Variants in RIC8B observed in about 807,000 individuals in gnomAD.
RIC8B encodes RIC8 guanine nucleotide exchange factor B.
In RIC8B, 16 loss-of-function variants were observed where a neutral mutation model predicts 57.5. The observed-to-expected ratio is 0.28, with a 90% CI of 0.19 to 0.42. The LOEUF (loss-of-function observed/expected upper bound fraction) is 0.42. Ranked by LOEUF, RIC8B falls within the 10% of genes least tolerant of loss-of-function variation. RIC8B has a pLI of 1.00. For synonymous variants in RIC8B, 216 were observed against 250.8 expected, an observed-to-expected ratio of 0.86 and a Z score of 1.31; for missense variants, 481 against 677.0, an observed-to-expected ratio of 0.71 and a Z score of 3.21.
At chr12:106,819,397 C>T (rs1566083022) in intron 3 of RIC8B, among the ~76,000 whole-genome samples, 1 of 152,194 alleles carries the variant, frequency 6.6e-6, no homozygotes, top group Non-Finnish European at 1.5e-5. Context: ...TTTTTGATGA[C>T]CACCTTCTAA....
At chr12:106,844,360 G>A (rs993450873) in intron 6 of RIC8B, among the ~76,000 whole-genome samples, 7 of 150,926 alleles carry the variant, frequency 4.6e-5, no homozygotes, top group Non-Finnish European at 1.0e-4. Flanking sequence ...AGGTGGAAAA[G>A]TAAGAGTATC....
chr12:106,793,011 C>G (rs567598333), intron 2 of RIC8B, among the ~76,000 whole-genome samples: 89 of 152,166 alleles, frequency 5.8e-4, no homozygotes, highest in African/African-American at 2.0e-3. Context: ...CCCCAGCTAC[C>G]TGTTGCTGAA....
chr12:106,783,493 A>G (rs1248748230), intron 1 of RIC8B, among the ~76,000 whole-genome samples: 1 of 152,248 alleles, frequency 6.6e-6, no homozygotes, highest in Non-Finnish European at 1.5e-5. Flanking sequence ...AAGAAAGTAT[A>G]AACTCAGCAG....
intron 2 of RIC8B, among the ~76,000 whole-genome samples, chr12:106,785,847 G>A (rs915947117): frequency 6.5e-5 from 8 of 123,912 alleles, no homozygotes; most frequent in African/African-American, 1.5e-4. Flanking sequence ...GTGTGTGTGT[G>A]TATAAAGTAT....
At chr12:106,784,244 C>T (rs1407206045) in intron 2 of RIC8B, among the ~76,000 whole-genome samples, 200 bp downstream of exon 2, 3 of 152,142 alleles carry the variant, frequency 2.0e-5, no homozygotes, top group South Asian at 2.1e-4. Context: ...CCTTTGTCCT[C>T]GCAGGACTAT....
At position 106,814,827 on chromosome 12, in the gene RIC8B, T is replaced by C. The variant is rs2045498647; in HGVS notation, c.264T>C (p.Asn88=). ...KVLVPVTTKE[N]MQILLRLAKL... Reference sequence around the variant, plus strand: ...TAGTTCCTGTGACAACTAAGGAAAATATGCAGATACTGCTGCGACTAGCCA... The same window carrying C: ...TAGTTCCTGTGACAACTAAGGAAAACATGCAGATACTGCTGCGACTAGCCA... The change falls in exon 3 of 10, where the codon AAT becomes AAC. Residue 88 remains asparagine, a synonymous_variant. Transcript: ENST00000392837. The C allele has an allele frequency of 1.2e-6, 2 of 1,614,080 alleles. No homozygotes were observed. The highest frequency in any genetic ancestry group is 2.7e-5 in the African/African-American group (2 of 74,928).
In RIC8B at chr12:106,879,623, C is replaced by G; in HGVS notation, c.1572-6281C>G. The stretch of plus-strand genomic sequence containing the variant: ...CTTTAAGAAATTATTTTTTTGGTTT[C>G]CATTAGCAGTCCCAAGGGTTAGGCT... On this transcript the variant is annotated intron_variant, in intron 9 of 9. Transcript: ENST00000392837. This position sits in a 1 kb window ranked among gnomAD's most constrained non-coding sequence, Gnocchi z 4.9. 1.0e-6 allele frequency: 1 copy of G among 984,830 alleles called. No individual in the cohort carries two copies. Among genetic ancestry groups the G allele is most frequent in the Non-Finnish European group, 1.2e-6 (1 of 829,816 alleles). 61.0% of individuals were successfully genotyped at this position (984,830 alleles called of 1,614,324 possible). A position where few individuals can be genotyped will look rare whatever the true frequency, so the allele number is the denominator to read the frequency against.
At chr12:106,840,683 G>T (rs1004263103) in intron 4 of RIC8B, among the ~76,000 whole-genome samples, 1 of 152,148 alleles carries the variant, frequency 6.6e-6, no homozygotes, top group Non-Finnish European at 1.5e-5. Context: ...TTCTTGAAAA[G>T]CCTAAAACCT....
chr12:106,796,131 T>C (rs567004678), intron 2 of RIC8B, among the ~76,000 whole-genome samples: 1 of 152,240 alleles, frequency 6.6e-6, no homozygotes. Flanking sequence ...GGTGGCTTCC[T>C]TGTAGAAATT....
intron 4 of RIC8B, among the ~76,000 whole-genome samples, chr12:106,832,902 A>G (rs2046418429): frequency 6.6e-6 from 1 of 152,022 alleles, no homozygotes; most frequent in African/African-American, 2.4e-5. Flanking sequence ...CTGCCTCTTG[A>G]GGCCTTATTT....
chr12:106,879,494 C>G lies in RIC8B; in HGVS notation c.1572-6410C>G. The G allele has an allele frequency of 2.0e-6, 2 of 985,044 alleles. No individual in the cohort carries two copies. Among genetic ancestry groups the G allele is most frequent in the Non-Finnish European group, 2.4e-6 (2 of 829,856 alleles). The allele number at this position is 985,044 out of a possible 1,614,324, so 61.0% of individuals were successfully genotyped here. A position where few individuals can be genotyped will look rare whatever the true frequency, so the allele number is the denominator to read the frequency against. ...GGCATCCTAGAGTATACCATACTTA[C>G]AGGCAAACGGTGGCTCAGGAAAATG... On this transcript the variant is annotated intron_variant, in intron 9 of 9. Coordinates refer to ENST00000392837, the MANE Select transcript of RIC8B (RefSeq NM_001330145.2). This position sits in a 1 kb window ranked among gnomAD's most constrained non-coding sequence, Gnocchi z 4.9.
At chr12:106,794,511 G>A (rs879338674) in intron 2 of RIC8B, among the ~76,000 whole-genome samples, 4 of 152,174 alleles carry the variant, frequency 2.6e-5, no homozygotes, top group Non-Finnish European at 5.9e-5. Context: ...AAAAGCCAAA[G>A]ACGAGGAGAA....
intron 6 of RIC8B, 42 bp downstream of exon 6, chr12:106,843,989 T>A: frequency 7.7e-7 from 1 of 1,296,344 alleles, no homozygotes; most frequent in Non-Finnish European, 1.1e-6. Context: ...TTAGTCTTTT[T>A]ATGTGCATTT....
Position 106,842,776 on chromosome 12 carries a change from A to G in RIC8B, c.1024A>G (p.Ile342Val), listed in dbSNP as rs879346962. The change falls in exon 5 of 10, where the codon ATT becomes GTT. Residue 342 changes from isoleucine to valine, a missense_variant. Physicochemically the swap from Ile to Val is conservative, Grantham distance 29 (BLOSUM62 3). Around this residue, in one of 3 missense-constraint regions of RIC8B, gnomAD observed 421 missense variants for 560.9 expected, o/e 0.75. Transcript: ENST00000392837. ...ATACAATGGTATGAATATGGAGGCCATTCATGTTTTACTGAATTTTATGGA... is the reference window on the plus strand; with the variant it reads ...ATACAATGGTATGAATATGGAGGCCGTTCATGTTTTACTGAATTTTATGGA... Reference protein sequence around the residue: ...MVYNGMNMEAIHVLLNFMEKR... With the variant: ...MVYNGMNMEAVHVLLNFMEKR... 1 of 1,613,384 alleles carries G rather than the reference A, an allele frequency of 6.2e-7. No individual in the cohort carries two copies. Among genetic ancestry groups the G allele is most frequent in the Non-Finnish European group, 8.5e-7 (1 of 1,179,368 alleles).
intron 2 of RIC8B, among the ~76,000 whole-genome samples, chr12:106,807,781 A>C (rs2136254798): frequency 6.6e-6 from 1 of 152,250 alleles, no homozygotes; most frequent in East Asian, 1.9e-4. Context: ...TTCAACCAAC[A>C]GAATTCAAAA....
chr12:106,826,758 AAATT>A (rs72237391), intron 4 of RIC8B, among the ~76,000 whole-genome samples: 12,096 of 152,144 alleles, frequency 0.08, 655 homozygotes, highest in East Asian at 0.26. Flanking sequence ...CCATCTCAAA[AAATT>A]AATTAATTAA....
intron 2 of RIC8B, among the ~76,000 whole-genome samples, chr12:106,789,272 A>T (rs528906446): frequency 6.6e-6 from 1 of 152,158 alleles, no homozygotes; most frequent in Non-Finnish European, 1.5e-5. Context: ...AAGCCATTCA[A>T]CAAGTCTCTA....
In RIC8B at chr12:106,851,619, G is replaced by A. The variant is rs1024149492; in HGVS notation, c.1306+25G>A. The A allele has an allele frequency of 6.9e-6, 11 of 1,602,236 alleles. No homozygotes were observed. The African/African-American group carries it at 1.3e-4, about 20-fold the overall frequency. On this transcript the variant is annotated intron_variant, in intron 7 of 9. Coordinates refer to ENST00000392837, the MANE Select transcript of RIC8B (RefSeq NM_001330145.2). Reference sequence around the variant, plus strand: ...GGTAGGTTAAACTCTCTTTGCCTCTGCCTTTTATCTTTCAGAGGGACTTTG... The same window carrying A: ...GGTAGGTTAAACTCTCTTTGCCTCTACCTTTTATCTTTCAGAGGGACTTTG...
At chr12:106,848,360 G>T (rs1949302204) in intron 6 of RIC8B, among the ~76,000 whole-genome samples, 1 of 152,206 alleles carries the variant, frequency 6.6e-6, no homozygotes, top group African/African-American at 2.4e-5. Flanking sequence ...TACGGAAGTT[G>T]TAAGGACCTT....
Sources: allele counts gnomAD v4.1 joint callset (sites outside exome capture counted in the v4.1 genomes callset), GRCh38; gene constraint gnomAD v4.1.1; regional missense constraint gnomAD v4.1.1; non-coding constraint Gnocchi (gnomAD v3.1); transcripts MANE v1.5; gene names NCBI Gene and HGNC (gene_info 2026-07-23, HGNC 2026-07-21).